TULP4: variants seen among roughly 807,000 people sequenced by gnomAD.
The protein encoded by TULP4 is tubby-related protein 4.
TULP4 carries 16 observed loss-of-function variants against 129.0 expected under a neutral mutation model. The ratio of observed to expected loss-of-function variants is 0.12; its 90% CI spans 0.08 to 0.19. The LOEUF is 0.19. Among genes scored for constraint, TULP4 ranks in the 10% least tolerant of loss-of-function variants. The pLI is 1.00. For missense variants in TULP4, 1,842 were observed against 2,059.1 expected (o/e 0.89, Z 2.04); for synonymous variants, 998 against 854.0 (o/e 1.17, Z -2.94).
intron 1 of TULP4, among the ~76,000 whole-genome samples, chr6:158,265,199 C>T (rs1317972963): frequency 6.6e-6 from 1 of 152,202 alleles, no homozygotes; most frequent in Non-Finnish European, 1.5e-5. Flanking sequence ...CATGCCAGGT[C>T]TCTCAGCCAG....
chr6:158,237,172 G>A (rs1324570477), intron 1 of TULP4, among the ~76,000 whole-genome samples: 1 of 152,072 alleles, frequency 6.6e-6, no homozygotes, highest in African/African-American at 2.4e-5. Context: ...ATCTCACTAG[G>A]CAGACTTTGA....
rs1260684119 is a variant in TULP4, at chr6:158,346,955, G to A, written c.252+32687G>A. Among the ~76,000 whole-genome samples, 3 of 152,174 alleles carry A rather than the reference G, an allele frequency of 2.0e-5. No individual in the cohort carries two copies. The East Asian group carries it at 5.8e-4, about 29-fold the overall frequency. ...CATAGCTGCAGCAGACATGAAAGGT[G>A]AAGTTCCTCCTGCAATCCCAGAATG... is the stretch of plus-strand genomic sequence containing the variant. On this transcript the variant is annotated intron_variant, in intron 1 of 13. Coordinates refer to ENST00000367097, the MANE Select transcript of TULP4 (RefSeq NM_020245.5).
At chr6:158,374,006 A>C (rs1777128789) in intron 1 of TULP4, among the ~76,000 whole-genome samples, 1 of 152,216 alleles carries the variant, frequency 6.6e-6, no homozygotes, top group Admixed American at 6.5e-5. Flanking sequence ...CTCTATGTTG[A>C]CATGTCCTGC....
chr6:158,447,640 G>A (rs1280563863), intron 3 of TULP4, among the ~76,000 whole-genome samples: 1 of 152,110 alleles, frequency 6.6e-6, no homozygotes, highest in Non-Finnish European at 1.5e-5. Flanking sequence ...GCTCTGTTAG[G>A]TGCCACATAG....
intron 2 of TULP4, among the ~76,000 whole-genome samples, chr6:158,424,115 C>T (rs1778419609): frequency 6.6e-6 from 1 of 152,058 alleles, no homozygotes; most frequent in Non-Finnish European, 1.5e-5. Context: ...AATATATTTG[C>T]CCGTGTTCAT....
At chr6:158,275,499 C>T (rs73013948) in intron 1 of TULP4, among the ~76,000 whole-genome samples, 23,061 of 152,066 alleles carry the variant, frequency 0.15, 2,404 homozygotes, top group East Asian at 0.43. Flanking sequence ...GCAAATTGAG[C>T]AACAAGTCTA....
intron 3 of TULP4, among the ~76,000 whole-genome samples, chr6:158,435,229 G>A (rs1778725642): frequency 6.6e-6 from 1 of 152,158 alleles, no homozygotes; most frequent in Non-Finnish European, 1.5e-5. Context: ...CCTGTCCTGG[G>A]TCAAGCAAAG....
At chr6:158,337,966 A>G (rs948739515) in intron 1 of TULP4, among the ~76,000 whole-genome samples, 6 of 152,148 alleles carry the variant, frequency 3.9e-5, no homozygotes, top group African/African-American at 1.4e-4. Context: ...CAAGTGGGTA[A>G]AGTCACACTT....
chr6:158,342,947 A>ATGTGTGTGTG (rs5881254), intron 1 of TULP4, among the ~76,000 whole-genome samples: 3,280 of 147,552 alleles, frequency 0.022, 46 homozygotes, highest in Non-Finnish European at 0.026. Flanking sequence ...TTAAAAATAA[A>ATGTGTGTGTG]TGTGTGTGTG....
At chr6:158,466,561 G>C (rs1018467497) in intron 6 of TULP4, among the ~76,000 whole-genome samples, 2 of 152,148 alleles carry the variant, frequency 1.3e-5, no homozygotes, top group Non-Finnish European at 2.9e-5. Flanking sequence ...TTGTTTTTAA[G>C]AAGTAGGATT....
intron 1 of TULP4, among the ~76,000 whole-genome samples, chr6:158,395,675 G>GGGGGGA (rs374125332): frequency 1.1e-5 from 1 of 88,076 alleles, no homozygotes; most frequent in Non-Finnish European, 2.2e-5. Flanking sequence ...GGGCGGGGGG[G>GGGGGGA]GGGTCATGGC....
At chr6:158,239,509 G>T (rs1257727482) in intron 1 of TULP4, among the ~76,000 whole-genome samples, 1 of 61,928 alleles carries the variant, frequency 1.6e-5, no homozygotes, top group Non-Finnish European at 3.5e-5. Context: ...CGGGCAGAGG[G>T]GCTCCTCACT....
At position 158,502,292 on chromosome 6, in the gene TULP4, G is replaced by T; in HGVS notation, c.2629G>T (p.Val877Leu). The T allele has an allele frequency of 6.2e-7, 1 of 1,608,256 alleles. No homozygotes were observed. The highest frequency in any genetic ancestry group is 8.5e-7 in the Non-Finnish European group (1 of 1,177,726). The change falls in exon 13 of 14, where the codon GTG becomes TTG. Residue 877 changes from valine (V) to leucine (L), a missense_variant. Physicochemically the swap from Val to Leu is conservative, Grantham distance 32 (BLOSUM62 1). This residue lies in a region of TULP4 where 1,089 missense variants were observed against 987.1 expected (regional missense o/e 1.10). Transcript: ENST00000367097. ...CGACTTCTCCCTCTACCCCACGTCA[G>T]TGCACTACCAGACCCCCCTGGGCTA... ...KGDFSLYPTS[V>L]HYQTPLGYER...
chr6:158,268,316 G>T (rs1778487966), intron 1 of TULP4, among the ~76,000 whole-genome samples: 1 of 152,164 alleles, frequency 6.6e-6, no homozygotes, highest in Non-Finnish European at 1.5e-5. Flanking sequence ...TGGAATTACA[G>T]GTGTGAGCCA....
At chr6:158,436,225 C>G (rs1047062677) in intron 3 of TULP4, among the ~76,000 whole-genome samples, 24 of 152,138 alleles carry the variant, frequency 1.6e-4, no homozygotes, top group African/African-American at 4.6e-4. Flanking sequence ...CTTTTCTGTA[C>G]CTCCAACCTT....
At chr6:158,259,588 A>G (rs1253782057) in intron 1 of TULP4, among the ~76,000 whole-genome samples, 3 of 152,194 alleles carry the variant, frequency 2.0e-5, no homozygotes, top group Non-Finnish European at 4.4e-5. Context: ...AAGAGGTCAT[A>G]ATGCTTTGAC....
chr6:158,323,852 G>GTT (rs1779690029), intron 1 of TULP4, among the ~76,000 whole-genome samples: 2 of 152,178 alleles, frequency 1.3e-5, no homozygotes, highest in African/African-American at 4.8e-5. Flanking sequence ...GGAAACTGCA[G>GTT]CTTTAGGTGA....
At position 158,481,112 on chromosome 6, in the gene TULP4, A is replaced by C. The variant is rs765599196; in HGVS notation, c.1309A>C (p.Asn437His). Residue 437 changes from asparagine to histidine, a missense_variant, in exon 8 of 14, where the codon AAC becomes CAC. This residue lies in a region of TULP4 where 456 missense variants were observed against 534.3 expected (regional missense o/e 0.85). Coordinates refer to ENST00000367097, the MANE Select transcript of TULP4 (RefSeq NM_020245.5). Reference sequence around the variant, plus strand: ...CTTTGTCAGCTACCCATCAGCCGGCAACGAGCGGCTGCACTGCACCATGAA... The same window carrying C: ...CTTTGTCAGCTACCCATCAGCCGGCCACGAGCGGCTGCACTGCACCATGAA... ...RDFVSYPSAGNERLHCTMKRT... is the reference protein window; with the variant it reads ...RDFVSYPSAGHERLHCTMKRT... The C allele has an allele frequency of 6.2e-7, 1 of 1,601,334 alleles. No homozygotes were observed. The highest frequency in any genetic ancestry group is 1.1e-5 in the South Asian group (1 of 90,730).
rs1780656250 is a variant in TULP4 at position 158,508,580 on chromosome 6, A to G, written c.*1886A>G. 6.6e-6 allele frequency: 1 copy of G among 152,652 alleles called. No individual in the cohort carries two copies. The highest frequency in any genetic ancestry group is 1.5e-5 in the Non-Finnish European group (1 of 68,040). 9.5% of individuals were successfully genotyped at this position (152,652 alleles called of 1,614,324 possible). On this transcript the variant is annotated 3_prime_UTR_variant, in exon 14 of 14. Transcript: ENST00000367097. ...GCATTCTTCCAGAAAGAATTCAGCAATGTTATCAGAATTAATTCTTTTATA... is the reference window on the plus strand; with the variant it reads ...GCATTCTTCCAGAAAGAATTCAGCAGTGTTATCAGAATTAATTCTTTTATA...
Sources: allele counts gnomAD v4.1 joint callset (sites outside exome capture counted in the v4.1 genomes callset), GRCh38; gene constraint gnomAD v4.1.1; regional missense constraint gnomAD v4.1.1; transcripts MANE v1.5; gene names NCBI Gene and HGNC (gene_info 2026-07-23, HGNC 2026-07-21).